UGT2B17: variants seen among roughly 807,000 people sequenced by gnomAD.
UGT2B17 encodes the protein UDP glucuronosyltransferase family 2 member B17, also known as UDP-glucuronosyltransferase 2B17.
Under a neutral mutation model 48.2 loss-of-function variants are expected in UGT2B17, and 21 were observed. The observed-to-expected ratio is 0.44, with a 90% CI of 0.31 to 0.63. The LOEUF is 0.63. Among genes scored for constraint, UGT2B17 ranks in the 20% least tolerant of loss-of-function variants. The pLI, the probability that UGT2B17 is intolerant of heterozygous loss-of-function variation, is 0.08. For missense variants in UGT2B17, 402 were observed against 696.1 expected, an observed-to-expected ratio of 0.58 and a Z score of 4.75; for synonymous variants, 146 against 238.4, an observed-to-expected ratio of 0.61 and a Z score of 3.57.
At chr4:68,541,793 C>A (rs1462964061) in intron 6 of UGT2B17, among the ~76,000 whole-genome samples, 2 of 126,818 alleles carry the variant, frequency 1.6e-5, no homozygotes, top group South Asian at 3.6e-4. Context: ...ACATTTAAGT[C>A]TTTAATCCAT....
At chr4:68,549,099 T>A (rs1238308492) in intron 6 of UGT2B17, among the ~76,000 whole-genome samples, 1 of 124,656 alleles carries the variant, frequency 8.0e-6, no homozygotes, top group African/African-American at 2.8e-5. Context: ...CTTTTTTACT[T>A]TATTTGAAGT....
At chr4:68,568,595 T>G in intron 1 of UGT2B17, 47 bp from the exon 2 acceptor site, 1 of 1,165,548 alleles carries the variant, frequency 8.6e-7, no homozygotes, top group Non-Finnish European at 1.1e-6. Flanking sequence ...AAAATTTGAG[T>G]TGACCTCATA....
rs1304237526 is a variant in UGT2B17, at chr4:68,571,919, G to A, written c.-64-3371C>T. 4.8e-5 allele frequency among the ~76,000 whole-genome samples: 6 copies of A among 125,294 alleles called. 1 individual carries two copies. The Middle Eastern group carries it at 0.011, about 230-fold the overall frequency. The allele number at this position is 125,294 out of a possible 152,430, so 82.2% of individuals were successfully genotyped here. Reference sequence around the variant, plus strand: ...TCCTTTTATTAGGATGCTTACATTAGGATCTAGTCCCTTTTTATCCATGTC... The same window carrying A: ...TCCTTTTATTAGGATGCTTACATTAAGATCTAGTCCCTTTTTATCCATGTC... On this transcript the variant is annotated intron_variant, in intron 1 of 6. Transcript: ENST00000317746.
At chr4:68,572,580 G>A (rs1731312344) in intron 1 of UGT2B17, among the ~76,000 whole-genome samples, 1 of 126,376 alleles carries the variant, frequency 7.9e-6, no homozygotes, top group African/African-American at 2.7e-5. Flanking sequence ...AGACGATTAT[G>A]AGGGCGTGAT....
chr4:68,549,783 C>T (rs979215159), intron 6 of UGT2B17, among the ~76,000 whole-genome samples: 1 of 125,752 alleles, frequency 8.0e-6, no homozygotes, highest in African/African-American at 2.7e-5. Context: ...CTCAGCAAGT[C>T]CACTCCTAGC....
At position 68,568,327 on chromosome 4, in the gene UGT2B17, A is replaced by T. The variant is rs1731243139; in HGVS notation, c.158T>A (p.Val53Glu). ...AGAAGCCGAAGATGTCAACACAATC[A>T]CCTCATGACCCCTCTGAACAAGCTC... Reference protein sequence around the residue: ...LEELVQRGHEVIVLTSSASIL... With the variant: ...LEELVQRGHEEIVLTSSASIL... Residue 53 changes from valine (V) to glutamate (E), a missense_variant, in exon 2 of 7, where the codon GTG becomes GAG. Val to Glu is a moderately radical substitution (Grantham distance 121). Around this residue, in one of 5 missense-constraint regions of UGT2B17, gnomAD observed 51 missense variants for 108.7 expected, o/e 0.47. Coordinates refer to ENST00000317746, the MANE Select transcript of UGT2B17 (RefSeq NM_001077.4). The T allele has an allele frequency of 7.3e-7, 1 of 1,378,150 alleles. No individual in the cohort carries two copies. The highest frequency in any genetic ancestry group is 9.5e-7 in the Non-Finnish European group (1 of 1,054,756). The allele number at this position is 1,378,150 out of a possible 1,614,324, so 85.4% of individuals were successfully genotyped here.
chr4:68,560,334 A>T (rs562114871), intron 4 of UGT2B17, among the ~76,000 whole-genome samples: 12 of 129,276 alleles, frequency 9.3e-5, no homozygotes, highest in African/African-American at 3.3e-4. Context: ...TCACAATATT[A>T]ATGCCAACGT....
chr4:68,573,320 G>T lies in UGT2B17; in HGVS notation c.-65+2631C>A, dbSNP rs1389400303. On this transcript the variant is annotated intron_variant, in intron 1 of 6. Coordinates refer to ENST00000317746, the MANE Select transcript of UGT2B17 (RefSeq NM_001077.4). ...TTTTTCTCTTTCTGACACATAGAGT[G>T]TGAAGAGTTTTGTCAGGTCAGGTAG... 2.4e-5 allele frequency among the ~76,000 whole-genome samples: 3 copies of T among 125,038 alleles called. 1 individual carries two copies. The highest frequency in any genetic ancestry group is 8.2e-5 in the African/African-American group (3 of 36,494). 82.0% of individuals were successfully genotyped at this position (125,038 alleles called of 152,430 possible).
chr4:68,568,107 C>G lies in UGT2B17; in HGVS notation c.378G>C (p.Lys126Asn). The G allele has an allele frequency of 7.2e-7, 1 of 1,382,148 alleles. No homozygotes were observed. Among genetic ancestry groups the G allele is most frequent in the African/African-American group, 1.5e-5 (1 of 68,050 alleles). The allele number at this position is 1,382,148 out of a possible 1,614,324, so 85.6% of individuals were successfully genotyped here. ...LCWEYSDYNI[K>N]LCEDAVLNKK... Reference sequence around the variant, plus strand: ...TGTTCAAAACTGCATCTTCACAGAGCTTTATATTATAGTCAGAATATTCCC... The same window carrying G: ...TGTTCAAAACTGCATCTTCACAGAGGTTTATATTATAGTCAGAATATTCCC... The change falls in exon 2 of 7, where the codon AAG becomes AAC. Residue 126 changes from lysine (K) to asparagine (N), a missense_variant. Lys to Asn is a moderately conservative substitution (Grantham distance 94). Transcript: ENST00000317746.
Position 68,552,020 on chromosome 4 carries a change from A to C in UGT2B17, c.1006-109T>G. 3 of 797,200 alleles carry C rather than the reference A, an allele frequency of 3.8e-6. 1 individual carries two copies. The highest frequency in any genetic ancestry group is 5.0e-6 in the Non-Finnish European group (3 of 596,840). The allele number at this position is 797,200 out of a possible 1,614,324, so 49.4% of individuals were successfully genotyped here. On this transcript the variant is annotated intron_variant, in intron 4 of 6. Transcript: ENST00000317746. ...AGTTAATCCATATAAAAGATGAAGA[A>C]ATAAGAAGAAGTGATGTCAAGTAAT...
chr4:68,567,773 T>G lies in UGT2B17; in HGVS notation c.712A>C (p.Ser238Arg), dbSNP rs759660100. The part of the protein sequence containing the change: ...YDLKKWDQFY[S>R]EVLGRPTTLF... ...ACACACGACTTACCTAGAACTTCAC[T>G]ATAAAACTGGTCCCACTTCTTCAGA... The change falls in exon 2 of 7, where the codon AGT becomes CGT. Residue 238 changes from serine (S) to arginine (R), a missense_variant. Ser to Arg is a moderately radical substitution (Grantham distance 110, BLOSUM62 -1). Around this residue, in one of 5 missense-constraint regions of UGT2B17, gnomAD observed 106 missense variants for 169.8 expected, o/e 0.62. Transcript: ENST00000317746. 3.7e-6 allele frequency: 5 copies of G among 1,345,254 alleles called. 1 individual carries two copies. Among genetic ancestry groups the G allele is most frequent in the Non-Finnish European group, 4.8e-6 (5 of 1,041,688 alleles). The allele number at this position is 1,345,254 out of a possible 1,614,324, so 83.3% of individuals were successfully genotyped here. A position where few individuals can be genotyped will look rare whatever the true frequency, so the allele number is the denominator to read the frequency against.
chr4:68,567,087 T>C (rs1188843370), intron 2 of UGT2B17, among the ~76,000 whole-genome samples: 1 of 126,190 alleles, frequency 7.9e-6, no homozygotes. Flanking sequence ...AGATATGTGC[T>C]CTTCCTTATT....
At chr4:68,555,155 A>T (rs1434960279) in intron 4 of UGT2B17, among the ~76,000 whole-genome samples, 1 of 126,208 alleles carries the variant, frequency 7.9e-6, no homozygotes, top group African/African-American at 2.7e-5. Context: ...AAGACTTGCC[A>T]GCATACATTT....
chr4:68,543,162 GAGT>G (rs1342176088), intron 6 of UGT2B17, among the ~76,000 whole-genome samples: 1 of 125,994 alleles, frequency 7.9e-6, no homozygotes, highest in Non-Finnish European at 1.7e-5. Flanking sequence ...CCTGATCCCC[GAGT>G]AGCCTGACTG....
chr4:68,569,184 G>A (rs6857249), intron 1 of UGT2B17, among the ~76,000 whole-genome samples: 117,302 of 120,126 alleles, frequency 0.98, 57,498 homozygotes, highest in South Asian at 1. Flanking sequence ...TTAGCTGCAG[G>A]TCAACTGCAA....
At chr4:68,557,473 C>A (rs1731023194) in intron 4 of UGT2B17, among the ~76,000 whole-genome samples, 1 of 124,008 alleles carries the variant, frequency 8.1e-6, no homozygotes, top group Non-Finnish European at 1.7e-5. Flanking sequence ...TAATAGAAAA[C>A]TAAAGTAATC....
chr4:68,564,288 A>ATTTTTTTT (rs1387074234), intron 3 of UGT2B17, among the ~76,000 whole-genome samples: 6 of 87,416 alleles, frequency 6.9e-5, no homozygotes, highest in African/African-American at 4.0e-4. Context: ...ATATATATAT[A>ATTTTTTTT]TATATATTTT....
At position 68,550,818 on chromosome 4, in the gene UGT2B17, A is replaced by G. The variant is rs1161498367; in HGVS notation, c.1172T>C (p.Met391Thr). The G allele has an allele frequency of 7.2e-7, 1 of 1,385,000 alleles. No individual in the cohort carries two copies. The highest frequency in any genetic ancestry group is 9.4e-7 in the Non-Finnish European group (1 of 1,060,746). The allele number at this position is 1,385,000 out of a possible 1,614,324, so 85.8% of individuals were successfully genotyped here. Residue 391 changes from methionine (M) to threonine (T), a missense_variant, in exon 6 of 7, where the codon ATG becomes ACG. Met to Thr is a moderately conservative substitution (Grantham distance 81). Transcript: ENST00000317746. ...ATCCGCAAACAAGGGAATGCCCACC[A>G]TAGGGATCCCATGGTAGATTGCCTC... is the stretch of plus-strand genomic sequence containing the variant. ...IYEAIYHGIP[M>T]VGIPLFADQH...
rs1243846404 is a variant in UGT2B17 at position 68,552,552 on chromosome 4, G to A, written c.1006-641C>T. ...CAGGACCCCCTGAGGCTGTGTCATG[G>A]GTGCACATTTTCAACCTTGGCAAAA... On this transcript the variant is annotated intron_variant, in intron 4 of 6. Transcript: ENST00000317746. Among the ~76,000 whole-genome samples the A allele has an allele frequency of 3.2e-5, 4 of 125,678 alleles. 2 individuals are homozygous for A. Among genetic ancestry groups the A allele is most frequent in the South Asian group, 7.4e-4 (2 of 2,688 alleles). The allele number at this position is 125,678 out of a possible 152,430, so 82.4% of individuals were successfully genotyped here. A position where few individuals can be genotyped will look rare whatever the true frequency, so the allele number is the denominator to read the frequency against.
Sources: allele counts gnomAD v4.1 joint callset (sites outside exome capture counted in the v4.1 genomes callset), GRCh38; gene constraint gnomAD v4.1.1; regional missense constraint gnomAD v4.1.1; transcripts MANE v1.5; gene names NCBI Gene and HGNC (gene_info 2026-07-23, HGNC 2026-07-21).